The following ERBB4 variants were observed in gnomAD, a reference collection of about 807,000 sequenced individuals.
ERBB4 encodes the protein erb-b2 receptor tyrosine kinase 4, also known as receptor tyrosine-protein kinase erbB-4.
A neutral mutation model predicts 158.0 loss-of-function variants in ERBB4; 42 were observed. The ratio of observed to expected loss-of-function variants is 0.27; its 90% CI spans 0.21 to 0.34. The LOEUF (loss-of-function observed/expected upper bound fraction) is 0.34, where lower values mean the gene tolerates loss of function less well. ERBB4 is among the 10% of genes least tolerant of loss of function. The pLI is 1.00. For synonymous variants in ERBB4, 583 were observed against 558.7 expected (o/e 1.04, Z -0.61); for missense variants, 1,333 against 1,624.1 (o/e 0.82, Z 3.08).
intron 2 of ERBB4, among the ~76,000 whole-genome samples, chr2:212,054,244 T>G (rs2077485750): frequency 6.6e-6 from 1 of 152,170 alleles, no homozygotes; most frequent in South Asian, 2.1e-4. Context: ...CTAAGAAATT[T>G]GGAGAGTAAG....
intron 2 of ERBB4, among the ~76,000 whole-genome samples, chr2:212,013,169 G>A (rs1294041312): frequency 6.6e-6 from 1 of 150,854 alleles, no homozygotes; most frequent in Non-Finnish European, 1.5e-5. Flanking sequence ...CAATTCTTCT[G>A]TCTCAGCCTC....
intron 20 of ERBB4, among the ~76,000 whole-genome samples, chr2:211,521,517 GA>G (rs934052998): frequency 1.3e-5 from 2 of 152,192 alleles, no homozygotes; most frequent in African/African-American, 4.8e-5. Context: ...AGCAAGTGCT[GA>G]TATAGAAGAA....
Position 212,515,107 on chromosome 2 carries a change from G to A in ERBB4, c.82+23342C>T, listed in dbSNP as rs189296117. Among the ~76,000 whole-genome samples, 422 of 152,286 alleles carry A rather than the reference G, an allele frequency of 2.8e-3. 5 individuals carry two copies. Among genetic ancestry groups the A allele is most frequent in the Admixed American group, 4.8e-3 (73 of 15,296 alleles). ...TTCATAAATGTCAAAATCTGAGTAT[G>A]AAGGAAAGGAAAGCTGAAACACTTT... On this transcript the variant is annotated intron_variant, in intron 1 of 27. Coordinates refer to ENST00000342788, the MANE Select transcript of ERBB4 (RefSeq NM_005235.3).
intron 1 of ERBB4, among the ~76,000 whole-genome samples, chr2:212,158,143 TTA>T (rs1483014289): frequency 2.0e-5 from 3 of 152,166 alleles, no homozygotes; most frequent in South Asian, 2.1e-4. Flanking sequence ...GCAAACAATA[TTA>T]TATCCATTTT....
chr2:212,267,080 A>G (rs1445206968), intron 1 of ERBB4, among the ~76,000 whole-genome samples: 2 of 151,984 alleles, frequency 1.3e-5, no homozygotes, highest in Admixed American at 6.6e-5. Flanking sequence ...GCTTTTCTAA[A>G]TTACAGCTGT....
chr2:211,983,071 A>G (rs1003435222), intron 2 of ERBB4, among the ~76,000 whole-genome samples: 1 of 152,196 alleles, frequency 6.6e-6, no homozygotes, highest in Non-Finnish European at 1.5e-5. Context: ...ATTTTATCTC[A>G]GGAGCAAGGG....
At chr2:211,990,745 A>T (rs888810441) in intron 2 of ERBB4, among the ~76,000 whole-genome samples, 27 of 151,974 alleles carry the variant, frequency 1.8e-4, no homozygotes, top group Non-Finnish European at 3.1e-4. Flanking sequence ...CTCGACCAGC[A>T]TCTCTTGAGG....
intron 3 of ERBB4, among the ~76,000 whole-genome samples, chr2:211,861,129 TA>T (rs1274950327): frequency 1.9e-4 from 5 of 26,466 alleles, no homozygotes; most frequent in African/African-American, 2.7e-4. Context: ...ATATTTTATA[TA>T]TATATATATA....
chr2:211,416,264 A>C (rs1250844621), intron 25 of ERBB4, among the ~76,000 whole-genome samples: 1 of 152,158 alleles, frequency 6.6e-6, no homozygotes, highest in Non-Finnish European at 1.5e-5. Flanking sequence ...TATACAATTT[A>C]TTATATCAAA....
chr2:211,679,533 T>G (rs910071297), intron 12 of ERBB4, among the ~76,000 whole-genome samples: 3 of 152,076 alleles, frequency 2.0e-5, no homozygotes, highest in African/African-American at 7.2e-5. Context: ...ATAAATAAAA[T>G]ATTTTGGCTT....
At chr2:212,286,767 AT>A (rs748586400) in intron 1 of ERBB4, among the ~76,000 whole-genome samples, 45 of 39,556 alleles carry the variant, frequency 1.1e-3, no homozygotes, top group South Asian at 5.0e-3. Flanking sequence ...ATGAGGGTTA[AT>A]TTTTTTTTTT....
chr2:212,101,646 T>C (rs956990692), intron 2 of ERBB4, among the ~76,000 whole-genome samples: 2 of 151,854 alleles, frequency 1.3e-5, no homozygotes, highest in East Asian at 1.9e-4. Flanking sequence ...GAAAATAATA[T>C]ATAACAAGTA....
chr2:212,156,190 C>T (rs1351329945), intron 1 of ERBB4, among the ~76,000 whole-genome samples: 1 of 152,006 alleles, frequency 6.6e-6, no homozygotes, highest in Non-Finnish European at 1.5e-5. Flanking sequence ...CCTGACATTT[C>T]CTCTGAAAGG....
At chr2:212,398,837 A>G (rs576434877) in intron 1 of ERBB4, among the ~76,000 whole-genome samples, 6 of 152,222 alleles carry the variant, frequency 3.9e-5, no homozygotes, top group African/African-American at 9.6e-5. Context: ...TCAAGGCTTA[A>G]AAGACCAAAG....
At chr2:212,057,297 A>G (rs1431652797) in intron 2 of ERBB4, among the ~76,000 whole-genome samples, 1 of 152,198 alleles carries the variant, frequency 6.6e-6, no homozygotes, top group Non-Finnish European at 1.5e-5. Context: ...TTACAGACCT[A>G]GAAACAGACT....
intron 1 of ERBB4, among the ~76,000 whole-genome samples, chr2:212,173,487 G>A (rs1401030414): frequency 6.6e-6 from 1 of 152,108 alleles, no homozygotes; most frequent in African/African-American, 2.4e-5. Flanking sequence ...GTGGGAAATT[G>A]AGGTCTGTTA....
rs373543732 is a variant in ERBB4 at position 212,164,283 on chromosome 2, C to T, written c.83-39380G>A. Among the ~76,000 whole-genome samples, 120 of 115,990 alleles carry T rather than the reference C, an allele frequency of 1.0e-3. 2 individuals are homozygous for T. The South Asian group carries it at 0.032, about 31-fold the overall frequency. 76.1% of individuals were successfully genotyped at this position (115,990 alleles called of 152,430 possible). A position where few individuals can be genotyped will look rare whatever the true frequency, so the allele number is the denominator to read the frequency against. On this transcript the variant is annotated intron_variant, in intron 1 of 27. Transcript: ENST00000342788. Reference sequence around the variant, plus strand: ...ATATACATATATCAGATTTCAAAGACGTATGATATTTTTAAAAAAACAACA... The same window carrying T: ...ATATACATATATCAGATTTCAAAGATGTATGATATTTTTAAAAAAACAACA...
At chr2:212,331,211 A>G (rs1312466774) in intron 1 of ERBB4, among the ~76,000 whole-genome samples, 3 of 150,650 alleles carry the variant, frequency 2.0e-5, no homozygotes, top group Admixed American at 1.3e-4. Flanking sequence ...CTTGAACCAA[A>G]CAGAACAGTT....
intron 2 of ERBB4, among the ~76,000 whole-genome samples, chr2:211,954,671 A>G (rs2125157878): frequency 6.6e-6 from 1 of 152,154 alleles, no homozygotes; most frequent in South Asian, 2.1e-4. Context: ...GGGGTAATAG[A>G]AAGTCCCTTC....
Sources: gnomAD v4.1 joint callset for allele counts (sites outside exome capture counted in the v4.1 genomes callset) on GRCh38, gnomAD v4.1.1 for gene constraint, MANE v1.5 for transcripts, NCBI Gene and HGNC (gene_info 2026-07-23, HGNC 2026-07-21) for gene names.